The following CYTH1 variants were observed in gnomAD, a reference collection of about 807,000 sequenced individuals.
The protein encoded by CYTH1 is cytohesin-1.
CYTH1 carries 18 observed loss-of-function variants against 61.8 expected under a neutral mutation model. The ratio of observed to expected loss-of-function variants is 0.29; its 90% CI spans 0.20 to 0.43. The LOEUF (loss-of-function observed/expected upper bound fraction) is 0.43. Among genes scored for constraint, CYTH1 ranks in the 20% least tolerant of loss-of-function variants. The pLI is 1.00. For synonymous variants in CYTH1, 174 were observed against 184.3 expected, an observed-to-expected ratio of 0.94 and a Z score of 0.45; for missense variants, 336 against 510.5, an observed-to-expected ratio of 0.66 and a Z score of 3.29.
chr17:78,771,460 C>T (rs556824407), intron 1 of CYTH1, among the ~76,000 whole-genome samples: 3 of 151,826 alleles, frequency 2.0e-5, no homozygotes, highest in Admixed American at 6.6e-5. Flanking sequence ...AGGCCAGGTG[C>T]GGTGGCTCAC....
chr17:78,739,029 A>C (rs936515328), intron 1 of CYTH1, among the ~76,000 whole-genome samples: 13 of 152,210 alleles, frequency 8.5e-5, no homozygotes, highest in Non-Finnish European at 1.5e-4. Context: ...GTTGTTGGTC[A>C]TTTGCACTGA....
intron 1 of CYTH1, among the ~76,000 whole-genome samples, chr17:78,764,644 C>T (rs1281474604): frequency 6.6e-6 from 1 of 152,010 alleles, no homozygotes; most frequent in African/African-American, 2.4e-5. Flanking sequence ...GATGTATGCA[C>T]GAGGTAAGAG....
chr17:78,756,903 C>G (rs367928116), intron 1 of CYTH1, among the ~76,000 whole-genome samples: 1 of 151,074 alleles, frequency 6.6e-6, no homozygotes, highest in Non-Finnish European at 1.5e-5. Flanking sequence ...CAACCACTGG[C>G]CTATATTCCA....
intron 10 of CYTH1, among the ~76,000 whole-genome samples, chr17:78,695,715 A>C (rs2092931487): frequency 6.6e-6 from 1 of 152,248 alleles, no homozygotes; most frequent in Admixed American, 6.5e-5. Context: ...ATTCCAAGTG[A>C]AAATGTCATG....
intron 1 of CYTH1, among the ~76,000 whole-genome samples, chr17:78,713,281 G>T (rs1453968894): frequency 6.6e-6 from 1 of 151,884 alleles, no homozygotes; most frequent in Non-Finnish European, 1.5e-5. Flanking sequence ...TCTAGTCCAA[G>T]TAGAAGACCC....
At chr17:78,750,203 G>T (rs2093374596) in intron 1 of CYTH1, among the ~76,000 whole-genome samples, 1 of 152,202 alleles carries the variant, frequency 6.6e-6, no homozygotes, top group African/African-American at 2.4e-5. Flanking sequence ...ATGCGTTTTG[G>T]AAGTAGAATA....
intron 1 of CYTH1, among the ~76,000 whole-genome samples, chr17:78,777,073 C>T (rs1317690599): frequency 6.6e-6 from 1 of 150,658 alleles, no homozygotes; most frequent in African/African-American, 2.4e-5. Flanking sequence ...TGCGGTGAGC[C>T]GAGATCGCCC....
chr17:78,767,454 G>A (rs1368643200), intron 1 of CYTH1, among the ~76,000 whole-genome samples: 1 of 152,106 alleles, frequency 6.6e-6, no homozygotes, highest in Admixed American at 6.6e-5. Context: ...GGAAAGCAGG[G>A]CCTATATCTT....
chr17:78,757,564 T>C (rs779055714), intron 1 of CYTH1, among the ~76,000 whole-genome samples: 2 of 152,168 alleles, frequency 1.3e-5, no homozygotes, highest in African/African-American at 2.4e-5. Context: ...CCGAGGTTCT[T>C]AGAACAAAGT....
intron 1 of CYTH1, among the ~76,000 whole-genome samples, chr17:78,749,650 A>C (rs912758639): frequency 6.6e-6 from 1 of 151,720 alleles, no homozygotes; most frequent in African/African-American, 2.4e-5. Flanking sequence ...ATAATAACAA[A>C]TAAAAATAAA....
At position 78,700,321 on chromosome 17, in the gene CYTH1, T is replaced by C; in HGVS notation, c.550+10A>G. The C allele has an allele frequency of 6.3e-7, 1 of 1,596,256 alleles. No individual in the cohort carries two copies. The highest frequency in any genetic ancestry group is 8.5e-7 in the Non-Finnish European group (1 of 1,171,524). ...GCCCATCATAAACTAGGATGAATGA[T>C]CGTATTTACCCGTGGACTGGAACAC... On this transcript the variant is annotated intron_variant, in intron 7 of 13. Coordinates refer to ENST00000446868, the MANE Select transcript of CYTH1 (RefSeq NM_004762.6). The surrounding 1 kb of genome is among the most constrained non-coding windows in gnomAD (Gnocchi z 5.1).
chr17:78,718,096 A>G (rs2093197454), intron 1 of CYTH1, among the ~76,000 whole-genome samples: 1 of 152,104 alleles, frequency 6.6e-6, no homozygotes, highest in Non-Finnish European at 1.5e-5. Flanking sequence ...AGTTGCTCCC[A>G]GGCCAAGGAG....
At chr17:78,763,246 G>GTC (rs2144724992) in intron 1 of CYTH1, among the ~76,000 whole-genome samples, 1 of 152,030 alleles carries the variant, frequency 6.6e-6, no homozygotes, top group African/African-American at 2.4e-5. Flanking sequence ...GGGAGGCTGA[G>GTC]GCAGGAGAAT....
intron 11 of CYTH1, 109 bp from the exon 12 acceptor site, chr17:78,681,151 G>GA (rs774815669): frequency 4.8e-5 from 52 of 1,089,218 alleles, no homozygotes; most frequent in Non-Finnish European, 6.7e-5. Context: ...CCCAGGACAT[G>GA]AAGTTCATAA....
In CYTH1 at chr17:78,756,277, T is replaced by C. The variant is rs555403292; in HGVS notation, c.22+25925A>G. Among the ~76,000 whole-genome samples the C allele has an allele frequency of 2.2e-4, 33 of 152,086 alleles. No homozygotes were observed. The South Asian group carries it at 5.8e-3, about 27-fold the overall frequency. ...TTTTAGTAGAGACAGGGTTTCACCATGTTGGCCAGGCTGGTCTTGAACACC... is the reference window on the plus strand; with the variant it reads ...TTTTAGTAGAGACAGGGTTTCACCACGTTGGCCAGGCTGGTCTTGAACACC... On this transcript the variant is annotated intron_variant, in intron 1 of 13. Transcript: ENST00000446868.
intron 1 of CYTH1, among the ~76,000 whole-genome samples, chr17:78,775,032 G>C (rs1373973274): frequency 6.6e-6 from 1 of 152,210 alleles, no homozygotes; most frequent in African/African-American, 2.4e-5. Flanking sequence ...CTGGCATAAC[G>C]GCCCTGGACT....
At chr17:78,721,783 C>T (rs1458630467) in intron 1 of CYTH1, among the ~76,000 whole-genome samples, 2 of 152,162 alleles carry the variant, frequency 1.3e-5, no homozygotes, top group African/African-American at 4.8e-5. Context: ...GTGGCTCACG[C>T]CTGTAATCCC....
At chr17:78,684,082 TG>T (rs920276857) in intron 11 of CYTH1, among the ~76,000 whole-genome samples, 4 of 152,192 alleles carry the variant, frequency 2.6e-5, no homozygotes, top group African/African-American at 9.7e-5. Context: ...CTCTTCAGCC[TG>T]GGAGTGGGGA....
chr17:78,766,776 T>A (rs556966427), intron 1 of CYTH1, among the ~76,000 whole-genome samples: 5 of 152,056 alleles, frequency 3.3e-5, no homozygotes, highest in African/African-American at 1.2e-4. Flanking sequence ...TGAAAAGACA[T>A]AAATAGCATA....
Sources: allele counts gnomAD v4.1 joint callset (sites outside exome capture counted in the v4.1 genomes callset), GRCh38; gene constraint gnomAD v4.1.1; non-coding constraint Gnocchi (gnomAD v3.1); transcripts MANE v1.5; gene names NCBI Gene and HGNC (gene_info 2026-07-23, HGNC 2026-07-21).